DYNC1H1: variants seen among roughly 807,000 people sequenced by gnomAD.
DYNC1H1 encodes the protein cytoplasmic dynein 1 heavy chain 1.
In DYNC1H1, 51 loss-of-function variants were observed where a neutral mutation model predicts 527.1. The observed-to-expected ratio is 0.10, with a 90% confidence interval of 0.08 to 0.12. DYNC1H1 has a LOEUF of 0.12. DYNC1H1 is among the 10% of genes least tolerant of loss of function. The pLI is 1.00. For synonymous variants in DYNC1H1, 2,189 were observed against 2,278.8 expected (o/e 0.96, Z 1.12); for missense variants, 2,771 against 5,971.8 (o/e 0.46, Z 17.66).
intron 43 of DYNC1H1, among the ~76,000 whole-genome samples, chr14:102,025,170 G>A (rs895390722): frequency 5.3e-5 from 8 of 151,714 alleles, no homozygotes; most frequent in Non-Finnish European, 1.0e-4. Flanking sequence ...ACCCCGTCTC[G>A]CCGAGGCAGG....
In DYNC1H1 at chr14:102,041,425, G is replaced by A; in HGVS notation, c.11942-149G>A. The A allele has an allele frequency of 7.9e-7, 1 of 1,268,290 alleles. No homozygotes were observed. Among genetic ancestry groups the A allele is most frequent in the South Asian group, 1.2e-5 (1 of 82,068 alleles). 78.6% of individuals were successfully genotyped at this position (1,268,290 alleles called of 1,614,324 possible). On this transcript the variant is annotated intron_variant, in intron 64 of 77. Coordinates refer to ENST00000360184, the MANE Select transcript of DYNC1H1 (RefSeq NM_001376.5). This position sits in a 1 kb window ranked among gnomAD's most constrained non-coding sequence, Gnocchi z 4.5. ...GTCCAGAGGGCTCACGGAAGGCACA[G>A]CAGATGTGGCTGAATTTCCTGATTT...
chr14:102,032,750 G>A (rs2048524087), intron 52 of DYNC1H1: 1 of 566,860 alleles, frequency 1.8e-6, no homozygotes, highest in South Asian at 2.0e-5. Context: ...CTACTTGGGA[G>A]GCTGAGGTGG....
Position 102,051,010 on chromosome 14 carries a change from G to A in DYNC1H1, c.*447G>A, listed in dbSNP as rs189355213. The A allele has an allele frequency of 2.1e-4, 57 of 276,140 alleles. No homozygotes were observed. Among genetic ancestry groups the A allele is most frequent in the African/African-American group, 8.9e-4 (40 of 45,146 alleles). The allele number at this position is 276,140 out of a possible 1,614,324, so 17.1% of individuals were successfully genotyped here. On this transcript the variant is annotated 3_prime_UTR_variant, in exon 78 of 78. Transcript: ENST00000360184. ...TGTGGCTCTGAAGGCCCTGGGGCCC[G>A]GGCACCATGGTTCACACCTTTAATC...
rs2047644343 is a variant in DYNC1H1 at position 101,964,781 on chromosome 14, G to A, written c.90G>A (p.Leu30=). ...AGAATGTGGCGGACGTGTCGGTGCT[G>A]CAGAAGCACCTGCGCAAGCTGGTGC... ...AVQNVADVSV[L]QKHLRKLVPL... Residue 30 remains leucine, a synonymous_variant, in exon 1 of 78, where the codon CTG becomes CTA. Transcript: ENST00000360184. This position sits in a 1 kb window ranked among gnomAD's most constrained non-coding sequence, Gnocchi z 5.5. The A allele has an allele frequency of 6.2e-7, 1 of 1,601,534 alleles. No individual in the cohort carries two copies. The highest frequency in any genetic ancestry group is 2.2e-5 in the East Asian group (1 of 44,520).
rs1394173255 is a variant in DYNC1H1, at chr14:102,028,159, A to C, written c.9468+18A>C. ...TTCACCAGGTGGGTTCAGTTTTGAG[A>C]TCAACAGATAAACCACAAAACTAAC... On this transcript the variant is annotated intron_variant, in intron 48 of 77. Coordinates refer to ENST00000360184, the MANE Select transcript of DYNC1H1 (RefSeq NM_001376.5). The C allele has an allele frequency of 2.5e-6, 4 of 1,613,336 alleles. No homozygotes were observed. The highest frequency in any genetic ancestry group is 1.1e-5 in the South Asian group (1 of 91,010).
chr14:101,998,499 T>C (rs967945337), intron 16 of DYNC1H1, among the ~76,000 whole-genome samples: 16 of 152,256 alleles, frequency 1.1e-4, no homozygotes, highest in African/African-American at 3.9e-4. Context: ...TTAGGGAATA[T>C]AAGCATAGAA....
intron 42 of DYNC1H1, among the ~76,000 whole-genome samples, chr14:102,022,493 G>C (rs1007173319): frequency 2.7e-5 from 4 of 146,180 alleles, no homozygotes; most frequent in African/African-American, 1.0e-4. Context: ...GCGACAGAGA[G>C]AGACTCCGTC....
At chr14:101,995,119 CTG>C in intron 14 of DYNC1H1, 23 bp downstream of exon 14, 1 of 1,614,222 alleles carries the variant, frequency 6.2e-7, no homozygotes, top group Admixed American at 1.7e-5. Context: ...GATTCTGCCT[CTG>C]TAACCGGTCT....
intron 29 of DYNC1H1, among the ~76,000 whole-genome samples, chr14:102,008,768 A>G (rs1383327538): frequency 6.6e-6 from 1 of 152,192 alleles, no homozygotes; most frequent in African/African-American, 2.4e-5. Context: ...AGCCTAGGCA[A>G]CAGAGCAAAA....
chr14:102,053,558 C>T lies in DYNC1H1; in HGVS notation c.*2995C>T, dbSNP rs1595640517. The T allele has an allele frequency of 6.6e-6, 1 of 152,264 alleles. No individual in the cohort carries two copies. The highest frequency in any genetic ancestry group is 2.4e-5 in the African/African-American group (1 of 41,520). The allele number at this position is 152,264 out of a possible 1,614,324, so 9.4% of individuals were successfully genotyped here. A position where few individuals can be genotyped will look rare whatever the true frequency, so the allele number is the denominator to read the frequency against. ...CCGCCTCCCAGGTTCACGCCATTCT[C>T]CTGCCTCAGCCTCCCAAGTAGCTGG... On this transcript the variant is annotated 3_prime_UTR_variant, in exon 78 of 78. Transcript: ENST00000360184.
chr14:102,009,329 A>AG (rs1389182517), intron 29 of DYNC1H1: 1 of 163,010 alleles, frequency 6.1e-6, no homozygotes, highest in African/African-American at 2.4e-5. Flanking sequence ...ATAAAACAAA[A>AG]GGAGTGTGGA....
At chr14:102,031,100 A>G (rs1377946566) in intron 51 of DYNC1H1, among the ~76,000 whole-genome samples, 4 of 152,240 alleles carry the variant, frequency 2.6e-5, no homozygotes, top group Admixed American at 1.3e-4. Flanking sequence ...CACTCAACCT[A>G]TATATTTTCA....
chr14:101,967,096 G>C (rs1317530662), intron 1 of DYNC1H1, among the ~76,000 whole-genome samples: 1 of 152,132 alleles, frequency 6.6e-6, no homozygotes, highest in South Asian at 2.1e-4. Flanking sequence ...CCTAAGGAAA[G>C]ATTTTTAAAT....
chr14:101,987,378 G>C, intron 8 of DYNC1H1, 75 bp from the exon 9 acceptor site: 1 of 1,451,290 alleles, frequency 6.9e-7, no homozygotes, highest in South Asian at 1.2e-5. Flanking sequence ...TATAATATTT[G>C]AGAAGAATGT....
intron 41 of DYNC1H1, among the ~76,000 whole-genome samples, chr14:102,019,510 A>G (rs17512516): frequency 0.014 from 2,208 of 152,338 alleles, 17 homozygotes; most frequent in Middle Eastern, 0.037. Context: ...CATTGTTTAA[A>G]TATTTAAATC....
At position 102,042,718 on chromosome 14, in the gene DYNC1H1, C is replaced by T; in HGVS notation, c.12483C>T (p.Phe4161=). 1 of 1,614,192 alleles carries T rather than the reference C, an allele frequency of 6.2e-7. No individual in the cohort carries two copies. Among genetic ancestry groups the T allele is most frequent in the Non-Finnish European group, 8.5e-7 (1 of 1,180,042 alleles). The change falls in exon 69 of 78, where the codon TTC becomes TTT. Residue 4161 remains phenylalanine (F), a synonymous_variant. Transcript: ENST00000360184. This position sits in a 1 kb window ranked among gnomAD's most constrained non-coding sequence, Gnocchi z 5.7. ...TGAAGGCCAACATGCTGAGGACGTT[C>T]AGCAGCATTCCCGTCTCACGGATAT... ...PGVKANMLRT[F]SSIPVSRICK...
chr14:102,031,007 C>T (rs962200665), intron 51 of DYNC1H1, among the ~76,000 whole-genome samples: 3 of 152,158 alleles, frequency 2.0e-5, no homozygotes, highest in Non-Finnish European at 2.9e-5. Context: ...GTGCTTTCTT[C>T]TTGCCCACTG....
intron 1 of DYNC1H1, among the ~76,000 whole-genome samples, chr14:101,968,306 T>TTTTGC (rs2047690474): frequency 6.6e-6 from 1 of 152,040 alleles, no homozygotes; most frequent in South Asian, 2.1e-4. Context: ...TTTTGTTTTG[T>TTTTGC]TTGAGACAGG....
rs750504892 is a variant in DYNC1H1 at position 102,026,568 on chromosome 14, C to T, written c.8638-6C>T. On this transcript the variant is annotated splice_region_variant and splice_polypyrimidine_tract_variant and intron_variant, in intron 43 of 77. Coordinates refer to ENST00000360184, the MANE Select transcript of DYNC1H1 (RefSeq NM_001376.5). ...AGTAATTTGGGTATTACCTTTTTTT[C>T]TATAGGATTACATCCCAGTAGACCA... 5 of 1,611,142 alleles carry T rather than the reference C, an allele frequency of 3.1e-6. No homozygotes were observed. Among genetic ancestry groups the T allele is most frequent in the East Asian group, 2.2e-5 (1 of 44,860 alleles).
Sources: allele counts gnomAD v4.1 joint callset (sites outside exome capture counted in the v4.1 genomes callset), GRCh38; gene constraint gnomAD v4.1.1; non-coding constraint Gnocchi (gnomAD v3.1); transcripts MANE v1.5; gene names NCBI Gene and HGNC (gene_info 2026-07-23, HGNC 2026-07-21).